The following FAP variants were observed in gnomAD, a reference collection of about 807,000 sequenced individuals.
FAP encodes the protein prolyl endopeptidase FAP.
A neutral mutation model predicts 126.5 loss-of-function variants in FAP; 110 were observed. The observed-to-expected ratio is 0.87, with a 90% CI of 0.74 to 1.02. The LOEUF (loss-of-function observed/expected upper bound fraction) is 1.02. Ranked by LOEUF, FAP falls within the 50% of genes least tolerant of loss-of-function variation. The pLI is 0.00. For synonymous variants in FAP, 334 were observed against 297.3 expected, an observed-to-expected ratio of 1.12 and a Z score of -1.27; for missense variants, 919 against 909.2, an observed-to-expected ratio of 1.01 and a Z score of -0.14.
In FAP at chr2:162,189,671, C is replaced by T; in HGVS notation, c.1534G>A (p.Glu512Lys). The T allele has an allele frequency of 6.4e-7, 1 of 1,563,230 alleles. No individual in the cohort carries two copies. Among genetic ancestry groups the T allele is most frequent in the Non-Finnish European group, 8.7e-7 (1 of 1,143,776 alleles). The change falls in exon 18 of 26, where the codon GAA becomes AAA. Residue 512 changes from glutamate (E) to lysine (K), a missense_variant. Transcript: ENST00000188790. The stretch of plus-strand genomic sequence containing the variant: ...AAGATCTTACTAATTTCATCTACTT[C>T]AAGTTTCTTAATTTCCTCTTTAGGC... ...QLPKEEIKKL[E>K]VDEITLWYKM...
At chr2:162,188,490 C>T (rs1687930366) in intron 19 of FAP, 127 bp from the exon 20 acceptor site, 1 of 857,206 alleles carries the variant, frequency 1.2e-6, no homozygotes, top group Non-Finnish European at 1.8e-6. Flanking sequence ...GGCGTTAGAA[C>T]TGGCTCAAAA....
intron 2 of FAP, among the ~76,000 whole-genome samples, chr2:162,236,634 A>G (rs1164514929): frequency 6.6e-6 from 1 of 152,098 alleles, no homozygotes; most frequent in Non-Finnish European, 1.5e-5. Context: ...GCAGGGAGAC[A>G]GAGTCTTGCT....
chr2:162,217,704 AAAAATT>A (rs988116808), intron 9 of FAP, among the ~76,000 whole-genome samples: 3 of 152,204 alleles, frequency 2.0e-5, no homozygotes, highest in African/African-American at 7.2e-5. Context: ...GAAATATGAA[AAAAATT>A]AAAATTAAGT....
intron 11 of FAP, 98 bp downstream of exon 11, chr2:162,213,840 A>G: frequency 1.6e-6 from 2 of 1,275,940 alleles, no homozygotes; most frequent in Non-Finnish European, 1.1e-6. Flanking sequence ...GAATGCAGTA[A>G]TCCTGGCTTT....
At chr2:162,203,259 C>T (rs566272761) in intron 12 of FAP, 114 bp from the exon 13 acceptor site, 52 of 640,724 alleles carry the variant, frequency 8.1e-5, no homozygotes, top group African/African-American at 7.0e-4. Flanking sequence ...CAGAATGTCT[C>T]GCCTCCTCTG....
chr2:162,197,243 AT>A (rs1688289136), intron 16 of FAP, among the ~76,000 whole-genome samples: 1 of 152,174 alleles, frequency 6.6e-6, no homozygotes, highest in South Asian at 2.1e-4. Flanking sequence ...AATGTCTATT[AT>A]GTATTAGACA....
At chr2:162,241,839 A>G (rs1477680115) in intron 2 of FAP, among the ~76,000 whole-genome samples, 2 of 152,192 alleles carry the variant, frequency 1.3e-5, no homozygotes, top group Admixed American at 1.3e-4. Flanking sequence ...TTAACACTGA[A>G]GATATCAGCT....
chr2:162,188,758 C>T (rs147769621), intron 19 of FAP, among the ~76,000 whole-genome samples: 5 of 152,146 alleles, frequency 3.3e-5, no homozygotes, highest in African/African-American at 1.2e-4. Context: ...TATTCTATTC[C>T]TTTATTTCAT....
intron 6 of FAP, among the ~76,000 whole-genome samples, chr2:162,222,252 C>T (rs1689434652): frequency 6.6e-6 from 1 of 152,152 alleles, no homozygotes; most frequent in African/African-American, 2.4e-5. Flanking sequence ...ACTAATCGAA[C>T]GTTTCTTAAG....
chr2:162,200,637 A>G lies in FAP; in HGVS notation c.1224-18T>C. 2 of 1,168,410 alleles carry G rather than the reference A, an allele frequency of 1.7e-6. No individual in the cohort carries two copies. The highest frequency in any genetic ancestry group is 2.5e-6 in the Non-Finnish European group (2 of 806,696). 72.4% of individuals were successfully genotyped at this position (1,168,410 alleles called of 1,614,324 possible). On this transcript the variant is annotated intron_variant, in intron 14 of 25. Coordinates refer to ENST00000188790, the MANE Select transcript of FAP (RefSeq NM_004460.5). ...AATAAAACCTGAAAATATATTCAGA[A>G]ATTATTAAGTATTGATAAATAAGTG...
intron 19 of FAP, 37 bp downstream of exon 19, chr2:162,189,066 A>C: frequency 4.6e-6 from 6 of 1,296,314 alleles, no homozygotes; most frequent in Non-Finnish European, 6.6e-6. Context: ...ACATATTTTC[A>C]GTAAATAGTT....
At chr2:162,203,532 C>A (rs1018914438) in intron 12 of FAP, among the ~76,000 whole-genome samples, 20 of 152,152 alleles carry the variant, frequency 1.3e-4, no homozygotes, top group African/African-American at 4.6e-4. Context: ...ATTGACTATA[C>A]CTCTTTTAAT....
At chr2:162,219,803 G>A (rs1345720972) in intron 7 of FAP, 50 bp downstream of exon 7, 4 of 1,261,254 alleles carry the variant, frequency 3.2e-6, no homozygotes, top group Non-Finnish European at 4.6e-6. Context: ...AAATCAAATG[G>A]CTCCTCTTTT....
intron 6 of FAP, among the ~76,000 whole-genome samples, chr2:162,220,349 C>G (rs1689337758): frequency 6.6e-6 from 1 of 152,132 alleles, no homozygotes; most frequent in South Asian, 2.1e-4. Flanking sequence ...TCCTTTTAAC[C>G]CCTGGGATTG....
Position 162,214,077 on chromosome 2 carries a change from CAAATA to C in FAP, c.867-9_867-5del, listed in dbSNP as rs773334322. On this transcript the variant is annotated splice_region_variant and splice_polypyrimidine_tract_variant and intron_variant, in intron 10 of 25. Coordinates refer to ENST00000188790, the MANE Select transcript of FAP (RefSeq NM_004460.5). ...GAGCCAACTGAAATAATAATCACTG[CAAATA>C]AAATAGAAACAGGTAGTCACAACCA... 8 of 1,612,944 alleles carry C rather than the reference CAAATA, an allele frequency of 5.0e-6. No individual in the cohort carries two copies. The South Asian group carries it at 8.8e-5, about 18-fold the overall frequency.
chr2:162,226,131 G>T (rs1014253773), intron 3 of FAP, among the ~76,000 whole-genome samples: 1 of 152,028 alleles, frequency 6.6e-6, no homozygotes, highest in Non-Finnish European at 1.5e-5. Context: ...GACCCTTAAA[G>T]GGTTCATTGT....
chr2:162,235,478 A>C (rs533622403), intron 2 of FAP, among the ~76,000 whole-genome samples: 1 of 152,170 alleles, frequency 6.6e-6, no homozygotes, highest in Non-Finnish European at 1.5e-5. Flanking sequence ...GAACACACCA[A>C]TCAGCACCCT....
intron 20 of FAP, among the ~76,000 whole-genome samples, chr2:162,185,770 T>C (rs561901418): frequency 1.7e-4 from 26 of 152,222 alleles, no homozygotes; most frequent in Non-Finnish European, 2.2e-4. Context: ...TGAGAGGCAA[T>C]TTAAGGGCTA....
chr2:162,202,888 C>G lies in FAP; in HGVS notation c.1207G>C (p.Val403Leu). Reference protein sequence around the residue: ...GKWEAINIFRVTQDSLFYSSN... With the variant: ...GKWEAINIFRLTQDSLFYSSN... ...AATACTTACAGTGAATCCTGTGTTA[C>G]TCTGAATATATTTATGGCCTCCCAC... Residue 403 changes from valine (V) to leucine (L), a missense_variant, in exon 14 of 26, where the codon GTA becomes CTA. Transcript: ENST00000188790. 6.2e-7 allele frequency: 1 copy of G among 1,613,552 alleles called. No individual in the cohort carries two copies. Among genetic ancestry groups the G allele is most frequent in the South Asian group, 1.1e-5 (1 of 91,066 alleles).
Sources: allele counts gnomAD v4.1 joint callset (sites outside exome capture counted in the v4.1 genomes callset), GRCh38; gene constraint gnomAD v4.1.1; transcripts MANE v1.5; gene names NCBI Gene and HGNC (gene_info 2026-07-23, HGNC 2026-07-21).